Variants in SLC41A2 observed in about 807,000 individuals in gnomAD.
SLC41A2 encodes the protein SLC41A1-like 1.
Under a neutral mutation model 58.3 loss-of-function variants are expected in SLC41A2, and 32 were observed. The observed-to-expected ratio is 0.55, with a 90% CI of 0.41 to 0.74. The LOEUF is 0.74. Ranked by LOEUF, SLC41A2 falls within the 30% of genes least tolerant of loss-of-function variation. SLC41A2 has a pLI of 0.00. For synonymous variants in SLC41A2, 190 were observed against 235.0 expected, an observed-to-expected ratio of 0.81 and a Z score of 1.75; for missense variants, 514 against 680.6, an observed-to-expected ratio of 0.76 and a Z score of 2.72.
chr12:104,893,355 C>A (rs2045111164), intron 4 of SLC41A2, among the ~76,000 whole-genome samples: 1 of 152,136 alleles, frequency 6.6e-6, no homozygotes. Flanking sequence ...CAGGCAATAA[C>A]AAATGCTGGT....
At chr12:104,956,371 A>T (rs1593205180) in intron 1 of SLC41A2, among the ~76,000 whole-genome samples, 2 of 152,210 alleles carry the variant, frequency 1.3e-5, no homozygotes, top group East Asian at 3.9e-4. Context: ...TGAACAATAA[A>T]ACTCAATAAA....
intron 3 of SLC41A2, among the ~76,000 whole-genome samples, chr12:104,907,884 T>TATATA (rs1471026533): frequency 6.6e-5 from 10 of 152,210 alleles, no homozygotes; most frequent in Non-Finnish European, 1.2e-4. Flanking sequence ...TATTGTCCTC[T>TATATA]GCAGATATAG....
chr12:104,857,463 G>C (rs1310401432), intron 8 of SLC41A2, among the ~76,000 whole-genome samples: 1 of 152,112 alleles, frequency 6.6e-6, no homozygotes, highest in African/African-American at 2.4e-5. Context: ...CAAGGATCTA[G>C]AACTAGAAAT....
At chr12:104,890,265 G>T (rs1196917844) in intron 4 of SLC41A2, among the ~76,000 whole-genome samples, 1 of 152,114 alleles carries the variant, frequency 6.6e-6, no homozygotes, top group Non-Finnish European at 1.5e-5. Flanking sequence ...CCAGCCCCAT[G>T]ATCTTGTATT....
intron 2 of SLC41A2, among the ~76,000 whole-genome samples, chr12:104,920,631 T>A (rs1380129548): frequency 6.6e-6 from 1 of 151,726 alleles, no homozygotes; most frequent in Non-Finnish European, 1.5e-5. Context: ...TTTTTTAAAT[T>A]AGCTGGATAT....
intron 2 of SLC41A2, 59 bp from the exon 3 acceptor site, chr12:104,909,821 A>G: frequency 8.6e-7 from 1 of 1,168,616 alleles, no homozygotes. Context: ...ACTTTAGAAC[A>G]AAGACATTTC....
intron 3 of SLC41A2, among the ~76,000 whole-genome samples, chr12:104,897,274 T>C (rs1390788035): frequency 2.6e-5 from 4 of 151,338 alleles, no homozygotes; most frequent in Non-Finnish European, 4.4e-5. Context: ...GCCTCCCAAG[T>C]AGCTGTGATT....
chr12:104,939,596 G>A (rs1042624232), intron 1 of SLC41A2, among the ~76,000 whole-genome samples: 20 of 152,282 alleles, frequency 1.3e-4, no homozygotes, highest in African/African-American at 4.3e-4. Context: ...TCTGCCTATC[G>A]TACTGAAAGA....
chr12:104,871,726 A>G (rs773928743), intron 6 of SLC41A2, among the ~76,000 whole-genome samples: 13 of 152,292 alleles, frequency 8.5e-5, no homozygotes, highest in Admixed American at 7.8e-4. Flanking sequence ...TAATCACGTT[A>G]ATTGGAGTGC....
intron 1 of SLC41A2, among the ~76,000 whole-genome samples, chr12:104,942,117 T>C (rs188159305): frequency 1.6e-4 from 25 of 152,250 alleles, no homozygotes; most frequent in African/African-American, 5.8e-4. Context: ...CCCCCTACTC[T>C]GTCTTAAACA....
intron 3 of SLC41A2, 72 bp from the exon 4 acceptor site, chr12:104,895,417 T>A: frequency 1.9e-6 from 2 of 1,072,180 alleles, no homozygotes; most frequent in Middle Eastern, 2.5e-4. Flanking sequence ...AAACAGCACA[T>A]GAAATCTTAA....
intron 1 of SLC41A2, among the ~76,000 whole-genome samples, chr12:104,936,040 TAAA>T (rs35130202): frequency 6.9e-6 from 1 of 144,548 alleles, no homozygotes; most frequent in Non-Finnish European, 1.5e-5. Flanking sequence ...GAGACTGTCT[TAAA>T]AAAAAAAAAA....
intron 8 of SLC41A2, among the ~76,000 whole-genome samples, chr12:104,850,048 TGAA>T (rs1177057154): frequency 1.3e-5 from 2 of 152,164 alleles, no homozygotes; most frequent in African/African-American, 2.4e-5. Flanking sequence ...AGGAGATTTT[TGAA>T]GAAGAATTAG....
intron 3 of SLC41A2, among the ~76,000 whole-genome samples, chr12:104,899,657 ACT>A (rs1179507980): frequency 7.2e-5 from 11 of 151,990 alleles, no homozygotes; most frequent in African/African-American, 2.7e-4. Flanking sequence ...TTCAGGGCTC[ACT>A]CTCTGTGCAA....
At chr12:104,924,262 G>C (rs997699655) in intron 2 of SLC41A2, among the ~76,000 whole-genome samples, 2 of 152,170 alleles carry the variant, frequency 1.3e-5, no homozygotes, top group Non-Finnish European at 2.9e-5. Flanking sequence ...AAAGACTACT[G>C]ATTCCAAGTA....
At chr12:104,878,452 T>C (rs529930110) in intron 6 of SLC41A2, among the ~76,000 whole-genome samples, 1 of 151,706 alleles carries the variant, frequency 6.6e-6, no homozygotes, top group Admixed American at 6.6e-5. Flanking sequence ...CCCAATGCTA[T>C]CCCTCCCCCG....
intron 8 of SLC41A2, among the ~76,000 whole-genome samples, chr12:104,848,432 G>T (rs1047676131): frequency 6.6e-6 from 1 of 151,498 alleles, no homozygotes; most frequent in African/African-American, 2.4e-5. Context: ...TAAACCAAAA[G>T]AAAGCATAAA....
At chr12:104,918,697 C>G (rs183540483) in intron 2 of SLC41A2, among the ~76,000 whole-genome samples, 1 of 150,128 alleles carries the variant, frequency 6.7e-6, no homozygotes, top group East Asian at 2.0e-4. Context: ...GTGCATACAG[C>G]AGAGGACAGA....
chr12:104,891,483 T>A (rs2044963923), intron 4 of SLC41A2, among the ~76,000 whole-genome samples: 1 of 148,766 alleles, frequency 6.7e-6, no homozygotes, highest in Admixed American at 6.7e-5. Context: ...TTTCAAATTT[T>A]ATATATTATT....
Sources: gnomAD v4.1 joint callset for allele counts (sites outside exome capture counted in the v4.1 genomes callset) on GRCh38, gnomAD v4.1.1 for gene constraint, MANE v1.5 for transcripts, NCBI Gene and HGNC (gene_info 2026-07-23, HGNC 2026-07-21) for gene names.